Variants in SCFD2 observed in about 807,000 individuals in gnomAD.
The protein encoded by SCFD2 is sec1 family domain containing 2.
A neutral mutation model predicts 58.9 loss-of-function variants in SCFD2; 54 were observed. The observed-to-expected ratio is 0.92, with a 90% CI of 0.74 to 1.15. The LOEUF (loss-of-function observed/expected upper bound fraction) is 1.15. SCFD2 is among the 50% of genes most tolerant of loss of function. SCFD2 has a pLI of 0.00. For missense variants in SCFD2, 805 were observed against 836.6 expected, an observed-to-expected ratio of 0.96 and a Z score of 0.47; for synonymous variants, 321 against 335.9, an observed-to-expected ratio of 0.96 and a Z score of 0.49.
At chr4:53,183,979 G>A (rs1003081154) in intron 4 of SCFD2, among the ~76,000 whole-genome samples, 1 of 152,136 alleles carries the variant, frequency 6.6e-6, no homozygotes, top group Admixed American at 6.6e-5. Flanking sequence ...GATGTAGCCA[G>A]TTTCATCAGC....
chr4:52,955,758 A>T (rs1038636287), intron 5 of SCFD2, among the ~76,000 whole-genome samples: 1 of 152,234 alleles, frequency 6.6e-6, no homozygotes, highest in African/African-American at 2.4e-5. Flanking sequence ...AAAATAATGT[A>T]TTTATACATA....
chr4:53,131,026 T>A (rs1725772604), intron 5 of SCFD2, among the ~76,000 whole-genome samples: 1 of 152,058 alleles, frequency 6.6e-6, no homozygotes. Context: ...ATTAGCAAAA[T>A]ATATGACTAA....
intron 4 of SCFD2, among the ~76,000 whole-genome samples, chr4:53,255,175 C>T (rs1031192481): frequency 1.4e-5 from 2 of 141,466 alleles, no homozygotes; most frequent in African/African-American, 5.0e-5. Context: ...CCAGCAAATA[C>T]TTCCTATTCT....
At chr4:53,100,571 A>G (rs1404736772) in intron 5 of SCFD2, among the ~76,000 whole-genome samples, 4 of 152,180 alleles carry the variant, frequency 2.6e-5, no homozygotes, top group Non-Finnish European at 5.9e-5. Context: ...TTAGTTCTAT[A>G]TTACAAATTC....
chr4:52,880,065 A>G (rs1318735842), intron 8 of SCFD2, among the ~76,000 whole-genome samples: 1 of 152,192 alleles, frequency 6.6e-6, no homozygotes, highest in Non-Finnish European at 1.5e-5. Flanking sequence ...CCAGTGGCAC[A>G]GTGGATTAGC....
At chr4:52,922,437 C>G (rs935793184) in intron 5 of SCFD2, among the ~76,000 whole-genome samples, 5 of 152,052 alleles carry the variant, frequency 3.3e-5, no homozygotes, top group Non-Finnish European at 7.3e-5. Flanking sequence ...AACAGAATGA[C>G]AGAATATGTA....
At chr4:53,218,612 T>G (rs989671895) in intron 4 of SCFD2, among the ~76,000 whole-genome samples, 3 of 152,232 alleles carry the variant, frequency 2.0e-5, no homozygotes, top group African/African-American at 7.2e-5. Context: ...TCAGAGAAGT[T>G]TGATCGTCTG....
chr4:53,106,638 G>A (rs1725011772), intron 5 of SCFD2, among the ~76,000 whole-genome samples: 1 of 152,226 alleles, frequency 6.6e-6, no homozygotes, highest in Admixed American at 6.5e-5. Context: ...TCAACTTAAT[G>A]AAATAAACAG....
At chr4:53,210,537 T>A (rs1053810236) in intron 4 of SCFD2, among the ~76,000 whole-genome samples, 1 of 152,144 alleles carries the variant, frequency 6.6e-6, no homozygotes, top group Admixed American at 6.5e-5. Context: ...TGTCTTCTAT[T>A]AAACCAGACA....
At chr4:52,900,182 G>A (rs538629019) in intron 7 of SCFD2, among the ~76,000 whole-genome samples, 41 of 152,190 alleles carry the variant, frequency 2.7e-4, no homozygotes, top group East Asian at 2.3e-3. Context: ...GTTTTGTTCC[G>A]TTGCTGGTGA....
intron 4 of SCFD2, among the ~76,000 whole-genome samples, chr4:53,147,146 C>T (rs1331864567): frequency 1.3e-5 from 2 of 152,202 alleles, no homozygotes; most frequent in African/African-American, 4.8e-5. Context: ...GAGCAAGATA[C>T]TGTCTCTAAA....
chr4:53,274,159 A>G (rs1731260892), intron 3 of SCFD2, among the ~76,000 whole-genome samples, 158 bp from the exon 4 acceptor site: 1 of 152,212 alleles, frequency 6.6e-6, no homozygotes, highest in African/African-American at 2.4e-5. Flanking sequence ...CTATATAGTG[A>G]CAAGAGCAAA....
At chr4:52,971,758 GC>G (rs1435860295) in intron 5 of SCFD2, among the ~76,000 whole-genome samples, 1 of 152,164 alleles carries the variant, frequency 6.6e-6, no homozygotes, top group Non-Finnish European at 1.5e-5. Flanking sequence ...GTTCAGGGCA[GC>G]CAGAGAGAAA....
chr4:53,127,026 A>C (rs1725649468), intron 5 of SCFD2, among the ~76,000 whole-genome samples: 1 of 152,232 alleles, frequency 6.6e-6, no homozygotes, highest in African/African-American at 2.4e-5. Context: ...AAAGAAGAAA[A>C]AAACCTGAAG....
chr4:53,086,987 G>T (rs1471447313), intron 5 of SCFD2, among the ~76,000 whole-genome samples: 1 of 152,098 alleles, frequency 6.6e-6, no homozygotes, highest in African/African-American at 2.4e-5. Flanking sequence ...ACAACCAGAT[G>T]ACTATAGTCA....
chr4:53,313,272 T>A (rs1455623635), intron 3 of SCFD2, among the ~76,000 whole-genome samples: 1 of 152,192 alleles, frequency 6.6e-6, no homozygotes, highest in African/African-American at 2.4e-5. Context: ...AGAGAACTTT[T>A]ACCCACCATA....
At chr4:52,959,330 T>C (rs1720790727) in intron 5 of SCFD2, among the ~76,000 whole-genome samples, 1 of 152,110 alleles carries the variant, frequency 6.6e-6, no homozygotes. Flanking sequence ...TATGGGCTGC[T>C]CTACCCAGAA....
At chr4:52,903,345 C>T (rs1719269074) in intron 7 of SCFD2, among the ~76,000 whole-genome samples, 1 of 152,092 alleles carries the variant, frequency 6.6e-6, no homozygotes, top group Non-Finnish European at 1.5e-5. Context: ...CTTTGCCTTG[C>T]TTAGTAGCTG....
rs73149238 is a variant in SCFD2, at chr4:53,289,451, C to T, written c.1136-15450G>A. Among the ~76,000 whole-genome samples the T allele has an allele frequency of 8.7e-3, 1,329 of 151,944 alleles. 18 individuals are homozygous for T. The highest frequency in any genetic ancestry group is 0.03 in the African/African-American group (1,254 of 41,428). ...GTGTAAGCCTCAAGATAAAAGATAA[C>T]CACAGAGCAGAAAACTATGGCAGAT... On this transcript the variant is annotated intron_variant, in intron 3 of 8. Coordinates refer to ENST00000401642, the MANE Select transcript of SCFD2 (RefSeq NM_152540.4).
Sources: gnomAD v4.1 joint callset for allele counts (sites outside exome capture counted in the v4.1 genomes callset) on GRCh38, gnomAD v4.1.1 for gene constraint, MANE v1.5 for transcripts, NCBI Gene and HGNC (gene_info 2026-07-23, HGNC 2026-07-21) for gene names.